The following C10orf143 variants were observed in gnomAD, a reference collection of about 807,000 sequenced individuals.
C10orf143 encodes the protein chromosome 10 open reading frame 143.
intron 1 of C10orf143, chr10:130,106,994 G>T: frequency 1.8e-6 from 2 of 1,086,872 alleles, no homozygotes; most frequent in Non-Finnish European, 2.9e-6. Flanking sequence ...ACTGATTCAT[G>T]CTACTAAGTT....
intron 3 of C10orf143, among the ~76,000 whole-genome samples, chr10:130,049,304 C>T (rs991697716): frequency 2.3e-4 from 35 of 152,244 alleles, no homozygotes; most frequent in Non-Finnish European, 1.0e-4. Flanking sequence ...AGCTCCCCCT[C>T]TGCCACTGGA....
intron 3 of C10orf143, among the ~76,000 whole-genome samples, chr10:130,071,674 C>T (rs1861036039): frequency 6.6e-6 from 1 of 152,166 alleles, no homozygotes. Flanking sequence ...GTTGCCCAGG[C>T]TGGAGTGCAA....
chr10:130,095,524 G>A (rs1323577684), intron 1 of C10orf143, among the ~76,000 whole-genome samples: 3 of 152,252 alleles, frequency 2.0e-5, no homozygotes, highest in East Asian at 1.9e-4. Flanking sequence ...GAGGCATCAC[G>A]CTGCCTGACT....
chr10:130,083,978 T>C (rs906757610), intron 1 of C10orf143, among the ~76,000 whole-genome samples: 2 of 152,054 alleles, frequency 1.3e-5, no homozygotes, highest in African/African-American at 2.4e-5. Context: ...ATAAGTAACA[T>C]AGCCACACTG....
intron 1 of C10orf143, chr10:130,108,448 T>C (rs1282637030): frequency 3.8e-6 from 3 of 796,060 alleles, no homozygotes; most frequent in Non-Finnish European, 6.9e-6. Flanking sequence ...CGCAGCAAGA[T>C]ACCTGGCAAT....
intron 3 of C10orf143, among the ~76,000 whole-genome samples, chr10:130,078,467 A>G (rs1861156003): frequency 1.3e-5 from 2 of 152,232 alleles, no homozygotes; most frequent in Admixed American, 1.3e-4. Flanking sequence ...ACATAAGCAT[A>G]CTAAATTCAA....
chr10:130,083,474 A>G, intron 1 of C10orf143, among the ~76,000 whole-genome samples: 1 of 152,242 alleles, frequency 6.6e-6, no homozygotes. Flanking sequence ...ATAGTGCAAT[A>G]TATTGGAAAC....
intron 3 of C10orf143, among the ~76,000 whole-genome samples, chr10:130,076,248 C>T (rs924788298): frequency 6.6e-6 from 1 of 152,164 alleles, no homozygotes; most frequent in African/African-American, 2.4e-5. Flanking sequence ...AGGGACTACT[C>T]TGCAGGAGCT....
chr10:130,055,952 T>TACAAAAAAA (rs1860789419), intron 3 of C10orf143, among the ~76,000 whole-genome samples: 1 of 65,860 alleles, frequency 1.5e-5, no homozygotes, highest in African/African-American at 5.7e-5. Context: ...TCTCCAAAAG[T>TACAAAAAAA]AAAAAAAAAA....
intron 1 of C10orf143, among the ~76,000 whole-genome samples, chr10:130,099,096 A>G (rs1404763568): frequency 3.5e-5 from 5 of 143,158 alleles, no homozygotes; most frequent in African/African-American, 1.2e-4. Flanking sequence ...TCAAAAAAAA[A>G]AAAGAAAAAA....
chr10:130,057,643 G>GA lies in C10orf143; in HGVS notation c.298-21674_298-21673insT, dbSNP rs201304643. Among the ~76,000 whole-genome samples, 726 of 151,878 alleles carry GA rather than the reference G, an allele frequency of 4.8e-3. 5 individuals carry two copies. Among genetic ancestry groups the GA allele is most frequent in the African/African-American group, 0.017 (694 of 41,402 alleles). On this transcript the variant is annotated intron_variant and NMD_transcript_variant, in intron 3 of 5. Transcript: ENST00000643056. ...ACGAGGCCTGTGATTGTGGGGGAAGGGGGCTTCACAACAGGGTCAGCATGT... is the reference window on the plus strand; with the variant it reads ...ACGAGGCCTGTGATTGTGGGGGAAGGAGGGCTTCACAACAGGGTCAGCATGT...
chr10:130,055,686 C>T (rs1041721077), intron 3 of C10orf143, among the ~76,000 whole-genome samples: 2 of 152,158 alleles, frequency 1.3e-5, no homozygotes, highest in African/African-American at 4.8e-5. Context: ...TGGCTCACGC[C>T]TGTAAGCCCA....
At chr10:130,105,531 G>A (rs527283292) in intron 1 of C10orf143, among the ~76,000 whole-genome samples, 1 of 152,252 alleles carries the variant, frequency 6.6e-6, no homozygotes, top group East Asian at 1.9e-4. Context: ...AGGAGTTCGA[G>A]ACCAGTCTGG....
intron 1 of C10orf143, among the ~76,000 whole-genome samples, chr10:130,099,056 C>T (rs977093430): frequency 1.3e-5 from 2 of 149,178 alleles, no homozygotes; most frequent in Non-Finnish European, 3.0e-5. Context: ...CCACTTCACT[C>T]CAGCTTGGGC....
chr10:130,071,783 C>A (rs1304914356), intron 3 of C10orf143, among the ~76,000 whole-genome samples: 1 of 152,070 alleles, frequency 6.6e-6, no homozygotes, highest in Non-Finnish European at 1.5e-5. Flanking sequence ...ATGCACCATG[C>A]CTGGCTAATT....
chr10:130,054,019 T>C (rs963491694), intron 3 of C10orf143, among the ~76,000 whole-genome samples: 1 of 152,226 alleles, frequency 6.6e-6, no homozygotes, highest in Non-Finnish European at 1.5e-5. Context: ...TTGAATTTTA[T>C]TGTGGCAGGA....
intron 1 of C10orf143, chr10:130,105,969 G>C (rs578080375): frequency 3.0e-5 from 12 of 396,086 alleles, no homozygotes; most frequent in Admixed American, 2.5e-4. Flanking sequence ...TTCGGGTTCC[G>C]GACGCAAGGC....
intron 1 of C10orf143, among the ~76,000 whole-genome samples, chr10:130,091,756 A>G (rs915636049): frequency 6.6e-6 from 1 of 152,218 alleles, no homozygotes; most frequent in Non-Finnish European, 1.5e-5. Flanking sequence ...CAGCACGAGA[A>G]CTTCATGAAG....
At chr10:130,071,276 C>T (rs555902150) in intron 3 of C10orf143, among the ~76,000 whole-genome samples, 1 of 152,214 alleles carries the variant, frequency 6.6e-6, no homozygotes, top group Non-Finnish European at 1.5e-5. Context: ...CCACCATAAG[C>T]TTTACCCATG....
Sources: allele counts gnomAD v4.1 joint callset (sites outside exome capture counted in the v4.1 genomes callset), GRCh38; gene constraint gnomAD v4.1.1; transcripts MANE v1.5; gene names NCBI Gene and HGNC (gene_info 2026-07-23, HGNC 2026-07-21).